The following TARS2 variants were observed in gnomAD, a reference collection of about 807,000 sequenced individuals.
TARS2 encodes threonine--tRNA ligase, mitochondrial.
In TARS2, 61 loss-of-function variants were observed where a neutral mutation model predicts 94.4. The observed-to-expected ratio is 0.65, with a 90% confidence interval of 0.53 to 0.80. TARS2 has a LOEUF of 0.80. TARS2 is among the 30% of genes least tolerant of loss of function. The pLI, the probability that TARS2 is intolerant of heterozygous loss-of-function variation, is 0.00. For missense variants in TARS2, 704 were observed against 902.5 expected (o/e 0.78, Z 2.82); for synonymous variants, 359 against 353.4 (o/e 1.02, Z -0.18).
chr1:150,504,901 A>T lies in TARS2; in HGVS notation c.1821-5A>T, dbSNP rs751795412. On this transcript the variant is annotated splice_polypyrimidine_tract_variant and splice_region_variant and intron_variant, in intron 15 of 17. Transcript: ENST00000369064. ...ATTTGCCATCACCTGTTCTTTCCCT[A>T]CCAGGCCACTGTGGCTGTCCCCGTT... The T allele has an allele frequency of 6.2e-7, 1 of 1,614,104 alleles. No homozygotes were observed. Among genetic ancestry groups the T allele is most frequent in the Admixed American group, 1.7e-5 (1 of 60,018 alleles).
At chr1:150,502,619 C>A (rs900238101) in intron 13 of TARS2, among the ~76,000 whole-genome samples, 2 of 152,084 alleles carry the variant, frequency 1.3e-5, no homozygotes, top group African/African-American at 4.8e-5. Context: ...GAACTCCTGA[C>A]CTCAGGTGGT....
chr1:150,491,720 G>C, intron 6 of TARS2, 58 bp downstream of exon 6: 1 of 1,533,942 alleles, frequency 6.5e-7, no homozygotes, highest in East Asian at 2.2e-5. Context: ...AAGAAGGCCA[G>C]AAATGCGATA....
intron 7 of TARS2, among the ~76,000 whole-genome samples, chr1:150,495,052 G>A (rs879881911): frequency 7.3e-5 from 11 of 151,692 alleles, no homozygotes; most frequent in Admixed American, 5.2e-4. Context: ...GGTGGCGGGC[G>A]CCTGTAGTCC....
At position 150,497,544 on chromosome 1, in the gene TARS2, T is replaced by C. The variant is rs918107897; in HGVS notation, c.1035T>C (p.His345=). 2.5e-6 allele frequency: 4 copies of C among 1,613,966 alleles called. No homozygotes were observed. Among genetic ancestry groups the C allele is most frequent in the African/African-American group, 2.7e-5 (2 of 74,918 alleles). The change falls in exon 10 of 18, where the codon CAT becomes CAC. Residue 345 remains histidine, a synonymous_variant. Coordinates refer to ENST00000369064, the MANE Select transcript of TARS2 (RefSeq NM_025150.5). ...LVAFIRAEYA[H]RGFSEVKTPT... Reference sequence around the variant, plus strand: ...CTCCTCTCCAGGCTGAGTATGCCCATCGTGGTTTCTCCGAGGTGAAAACTC... The same window carrying C: ...CTCCTCTCCAGGCTGAGTATGCCCACCGTGGTTTCTCCGAGGTGAAAACTC...
Position 150,494,977 on chromosome 1 carries a change from C to T in TARS2, c.775-1505C>T, listed in dbSNP as rs587637036. ...CAGGCGGATCATGAGGTCAGGAGAT[C>T]GAGACCATCCTGGCTAACACGGTGA... On this transcript the variant is annotated intron_variant, in intron 7 of 17. Coordinates refer to ENST00000369064, the MANE Select transcript of TARS2 (RefSeq NM_025150.5). Among the ~76,000 whole-genome samples, 296 of 151,874 alleles carry T rather than the reference C, an allele frequency of 1.9e-3. 1 individual carries two copies. The highest frequency in any genetic ancestry group is 6.8e-3 in the African/African-American group (283 of 41,418).
rs1669203770 is a variant in TARS2, at chr1:150,487,533, C to T, written c.66+17C>T. 6 of 1,614,226 alleles carry T rather than the reference C, an allele frequency of 3.7e-6. No individual in the cohort carries two copies. The African/African-American group carries it at 5.3e-5, about 14-fold the overall frequency. ...CTACACACGGTGCGTGAGGCACCCC[C>T]AAAGCTCCGATCCGCATCAGACTTA... On this transcript the variant is annotated intron_variant, in intron 1 of 17. Coordinates refer to ENST00000369064, the MANE Select transcript of TARS2 (RefSeq NM_025150.5).
Position 150,496,767 on chromosome 1 carries a change from C to T in TARS2, c.922-43C>T, listed in dbSNP as rs1197115353. ...GTTGTTCTGAGTTCCAAAGCCACCT[C>T]CTTGCCCTTGAGGTGACCCAATATT... On this transcript the variant is annotated intron_variant, in intron 8 of 17. Coordinates refer to ENST00000369064, the MANE Select transcript of TARS2 (RefSeq NM_025150.5). 3 of 1,611,436 alleles carry T rather than the reference C, an allele frequency of 1.9e-6. No homozygotes were observed. The South Asian group carries it at 3.3e-5, about 18-fold the overall frequency.
In TARS2 at chr1:150,504,954, T is replaced by C. The variant is rs757616275; in HGVS notation, c.1869T>C (p.Ser623=). 5 of 1,613,498 alleles carry C rather than the reference T, an allele frequency of 3.1e-6. No homozygotes were observed. The African/African-American group carries it at 6.7e-5, about 22-fold the overall frequency. The change falls in exon 16 of 18, where the codon AGT becomes AGC. Residue 623 remains serine (S), a synonymous_variant. Coordinates refer to ENST00000369064, the MANE Select transcript of TARS2 (RefSeq NM_025150.5). ...PFQVVVIPVG[S]EQEEYAKEAQ... Reference sequence around the variant, plus strand: ...AGGTGGTGGTCATCCCTGTGGGGAGTGAGCAAGAGGAATACGCCAAAGAGG... The same window carrying C: ...AGGTGGTGGTCATCCCTGTGGGGAGCGAGCAAGAGGAATACGCCAAAGAGG...
At chr1:150,495,533 T>C (rs2102488254) in intron 7 of TARS2, among the ~76,000 whole-genome samples, 2 of 144,416 alleles carry the variant, frequency 1.4e-5, no homozygotes, top group East Asian at 2.2e-4. Context: ...AGTAGCTGGG[T>C]TACAGGCACG....
At chr1:150,499,066 A>G (rs1262391679) in intron 12 of TARS2, 32 bp downstream of exon 12, 1 of 1,614,042 alleles carries the variant, frequency 6.2e-7, no homozygotes, top group Admixed American at 1.7e-5. Context: ...AGAGGCAGAT[A>G]AACCACTCTC....
chr1:150,499,185 T>C (rs1171338078), intron 12 of TARS2, 31 bp from the exon 13 acceptor site: 2 of 1,613,324 alleles, frequency 1.2e-6, no homozygotes, highest in East Asian at 2.2e-5. Context: ...TCTAAGATGA[T>C]GTATTCCACT....
chr1:150,506,863 T>G, intron 17 of TARS2, 53 bp from the exon 18 acceptor site: 2 of 1,607,634 alleles, frequency 1.2e-6, no homozygotes, highest in Non-Finnish European at 1.7e-6. Context: ...CAAAAGAAAC[T>G]GTTCCATGTG....
chr1:150,492,343 C>T, intron 6 of TARS2, 68 bp from the exon 7 acceptor site: 1 of 1,498,644 alleles, frequency 6.7e-7, no homozygotes, highest in Non-Finnish European at 9.3e-7. Context: ...CAGCTAAAGA[C>T]CATGAGAGGG....
chr1:150,489,929 G>A (rs756876903), intron 3 of TARS2, among the ~76,000 whole-genome samples: 5 of 151,950 alleles, frequency 3.3e-5, no homozygotes, highest in Non-Finnish European at 7.4e-5. Flanking sequence ...GCGACAGAGC[G>A]AGACTCCGTC....
chr1:150,492,639 G>A (rs956039476), intron 7 of TARS2, 150 bp downstream of exon 7: 41 of 715,516 alleles, frequency 5.7e-5, no homozygotes, highest in Admixed American at 2.3e-4. Context: ...GTGAAACCCC[G>A]TCTCTACTAA....
rs1669264954 is a variant in TARS2, at chr1:150,488,992, G to C, written c.292G>C (p.Ala98Pro). 1 of 1,614,018 alleles carries C rather than the reference G, an allele frequency of 6.2e-7. No homozygotes were observed. The stretch of plus-strand genomic sequence containing the variant: ...AACACTGGCAGATACTGCAGTGGCT[G>C]CTCAAGTGAATGGAGAACCTTATGA... ...SSTLADTAVA[A>P]QVNGEPYDLE... The change falls in exon 3 of 18, where the codon GCT becomes CCT. Residue 98 changes from alanine to proline, a missense_variant. Physicochemically the swap from Ala to Pro is conservative, Grantham distance 27 (BLOSUM62 -1). This residue lies in a region of TARS2 where 208 missense variants were observed against 228.5 expected (regional missense o/e 0.91). Transcript: ENST00000369064.
intron 5 of TARS2, 30 bp downstream of exon 5, chr1:150,491,541 A>C (rs1224559418): frequency 1.9e-6 from 3 of 1,613,752 alleles, no homozygotes; most frequent in Non-Finnish European, 2.5e-6. Flanking sequence ...TGGCTCTTCC[A>C]GGACATCTTT....
intron 10 of TARS2, among the ~76,000 whole-genome samples, chr1:150,498,018 A>G (rs1490332142): frequency 1.3e-5 from 2 of 150,640 alleles, no homozygotes; most frequent in Non-Finnish European, 3.0e-5. Flanking sequence ...GCGTGAACCC[A>G]GGAGGTGGAG....
intron 17 of TARS2, among the ~76,000 whole-genome samples, chr1:150,506,486 G>GCACACACACACACACACA (rs10581752): frequency 1.1e-4 from 13 of 123,784 alleles, no homozygotes; most frequent in African/African-American, 3.5e-4. Flanking sequence ...ACACGCGCGC[G>GCACACACACACACACACA]CACACACACA....
Sources: allele counts gnomAD v4.1 joint callset (sites outside exome capture counted in the v4.1 genomes callset), GRCh38; gene constraint gnomAD v4.1.1; regional missense constraint gnomAD v4.1.1; transcripts MANE v1.5; gene names NCBI Gene and HGNC (gene_info 2026-07-23, HGNC 2026-07-21).